NCKAP1: variants seen among roughly 807,000 people sequenced by gnomAD.
NCKAP1 encodes NCK associated protein 1, also known as nck-associated protein 1.
In NCKAP1, 21 loss-of-function variants were observed where a neutral mutation model predicts 151.2. The ratio of observed to expected loss-of-function variants is 0.14; its 90% CI spans 0.10 to 0.20. NCKAP1 has a LOEUF of 0.20. Among genes scored for constraint, NCKAP1 ranks in the 10% least tolerant of loss-of-function variants. NCKAP1 has a pLI of 1.00. For missense variants in NCKAP1, 933 were observed against 1,352.1 expected (o/e 0.69, Z 4.86); for synonymous variants, 484 against 451.8 (o/e 1.07, Z -0.90).
intron 9 of NCKAP1, 73 bp downstream of exon 9, chr2:182,988,957 C>A (rs542603709): frequency 7.3e-7 from 1 of 1,370,662 alleles, no homozygotes; most frequent in Non-Finnish European, 1.0e-6. Context: ...CTCCTTTATC[C>A]CCAAAACTTC....
chr2:183,036,741 C>A (rs945851610), intron 1 of NCKAP1, among the ~76,000 whole-genome samples: 15 of 149,478 alleles, frequency 1.0e-4, no homozygotes, highest in African/African-American at 3.3e-4. Flanking sequence ...CCAGGACACT[C>A]TTTAGAATTA....
intron 9 of NCKAP1, among the ~76,000 whole-genome samples, chr2:182,986,979 C>T (rs1355970778): frequency 6.6e-6 from 1 of 152,150 alleles, no homozygotes; most frequent in Non-Finnish European, 1.5e-5. Flanking sequence ...CGGTGGCTCA[C>T]ACCTGTAATC....
chr2:182,909,383 A>G lies in NCKAP1; in HGVS notation c.*16319T>C, dbSNP rs1696353843. The G allele has an allele frequency of 6.6e-6, 1 of 152,118 alleles. No homozygotes were observed. The highest frequency in any genetic ancestry group is 6.5e-5 in the Admixed American group (1 of 15,278). The allele number at this position is 152,118 out of a possible 1,614,324, so 9.4% of individuals were successfully genotyped here. A position where few individuals can be genotyped will look rare whatever the true frequency, so the allele number is the denominator to read the frequency against. ...TCCCTCTCCTTGCCAGCCCCTGCCA[A>G]CCAACATTCTACTTTCTATCAATTT... On this transcript the variant is annotated 3_prime_UTR_variant, in exon 31 of 31. Coordinates refer to ENST00000361354, the MANE Select transcript of NCKAP1 (RefSeq NM_013436.5).
chr2:183,007,623 T>C (rs763604111), intron 2 of NCKAP1, among the ~76,000 whole-genome samples: 2 of 152,176 alleles, frequency 1.3e-5, no homozygotes, highest in Non-Finnish European at 2.9e-5. Context: ...ATTCATAAAT[T>C]ATTTTTCTTA....
At chr2:183,023,574 AAT>A in intron 2 of NCKAP1, among the ~76,000 whole-genome samples, 1 of 152,290 alleles carries the variant, frequency 6.6e-6, no homozygotes, top group South Asian at 2.1e-4. Context: ...AAAGGGAATA[AAT>A]ATATAGTAAT....
rs192420077 is a variant in NCKAP1, at chr2:182,977,779, G to A, written c.1424-828C>T. 3.1e-3 allele frequency among the ~76,000 whole-genome samples: 467 copies of A among 152,258 alleles called. 6 individuals are homozygous for A. The highest frequency in any genetic ancestry group is 0.011 in the African/African-American group (445 of 41,558). ...TTTTGCAAGATGAAAATGTTTTGGA[G>A]ATTGGTTGTACAACAATATGAATAT... On this transcript the variant is annotated intron_variant, in intron 14 of 30. Coordinates refer to ENST00000361354, the MANE Select transcript of NCKAP1 (RefSeq NM_013436.5).
intron 23 of NCKAP1, among the ~76,000 whole-genome samples, chr2:182,946,317 G>A (rs977684708): frequency 4.0e-5 from 6 of 151,880 alleles, no homozygotes; most frequent in African/African-American, 9.7e-5. Context: ...GGAGAATGGC[G>A]TGAACCTGGG....
At chr2:182,994,977 T>G in intron 7 of NCKAP1, 90 bp from the exon 8 acceptor site, 1 of 1,044,644 alleles carries the variant, frequency 9.6e-7, no homozygotes, top group Non-Finnish European at 1.4e-6. Context: ...TCCTGATAAC[T>G]TACTACCCAA....
At chr2:182,952,959 T>C (rs1317494014) in intron 21 of NCKAP1, 36 bp from the exon 22 acceptor site, 1 of 1,586,502 alleles carries the variant, frequency 6.3e-7, no homozygotes. Context: ...CGGAAGAAAC[T>C]GCTTAATTCA....
intron 26 of NCKAP1, among the ~76,000 whole-genome samples, chr2:182,932,036 G>GAC (rs1240265079): frequency 6.6e-6 from 1 of 152,084 alleles, no homozygotes; most frequent in Non-Finnish European, 1.5e-5. Flanking sequence ...AATGCAAAAT[G>GAC]ACACACCCAA....
chr2:183,003,379 TTACTACA>T, intron 2 of NCKAP1, 54 bp from the exon 3 acceptor site: 5 of 1,039,784 alleles, frequency 4.8e-6, no homozygotes, highest in Non-Finnish European at 7.3e-6. Context: ...GTATTTAATT[TTACTACA>T]AACTATCTTC....
chr2:183,003,650 C>T (rs1367482334), intron 2 of NCKAP1, among the ~76,000 whole-genome samples: 1 of 151,998 alleles, frequency 6.6e-6, no homozygotes, highest in Admixed American at 6.6e-5. Flanking sequence ...GATCACATTA[C>T]TAGAAGTGGG....
At chr2:183,030,347 T>G (rs1053635789) in intron 1 of NCKAP1, among the ~76,000 whole-genome samples, 1 of 152,204 alleles carries the variant, frequency 6.6e-6, no homozygotes, top group African/African-American at 2.4e-5. Flanking sequence ...TTTTTTAATT[T>G]CTATTCTAAC....
At chr2:182,959,891 A>G (rs1449565420) in intron 18 of NCKAP1, among the ~76,000 whole-genome samples, 1 of 152,236 alleles carries the variant, frequency 6.6e-6, no homozygotes, top group African/African-American at 2.4e-5. Flanking sequence ...GCAAAGTCTC[A>G]GGATACAAAA....
chr2:182,933,674 C>G (rs1272342748), intron 26 of NCKAP1, among the ~76,000 whole-genome samples: 1 of 151,970 alleles, frequency 6.6e-6, no homozygotes, highest in African/African-American at 2.4e-5. Flanking sequence ...CTCGGCCTCC[C>G]AAAGTGCTGG....
chr2:182,956,655 T>C (rs1697334378), intron 19 of NCKAP1, 62 bp from the exon 20 acceptor site: 2 of 1,486,408 alleles, frequency 1.3e-6, no homozygotes, highest in Non-Finnish European at 1.8e-6. Flanking sequence ...ACAAAATTAA[T>C]TTTATAAATA....
At chr2:182,941,713 G>A (rs537131942) in intron 24 of NCKAP1, among the ~76,000 whole-genome samples, 1 of 152,096 alleles carries the variant, frequency 6.6e-6, no homozygotes, top group Non-Finnish European at 1.5e-5. Flanking sequence ...TAACTTATAC[G>A]TATAAAGTTG....
chr2:182,982,880 G>A lies in NCKAP1; in HGVS notation c.1149C>T (p.Ile383=), dbSNP rs1697969152. The change falls in exon 12 of 31, where the codon ATC becomes ATT. Residue 383 remains isoleucine, a synonymous_variant. Coordinates refer to ENST00000361354, the MANE Select transcript of NCKAP1 (RefSeq NM_013436.5). Reference sequence around the variant, plus strand: ...TGTTATCTGCATGACGAAGTAGCCAGATGATTTCATCACGGGCAAAGGATA... The same window carrying A: ...TGTTATCTGCATGACGAAGTAGCCAAATGATTTCATCACGGGCAAAGGATA... ...MALSFARDEI[I]WLLRHADNMP... The A allele has an allele frequency of 6.2e-7, 1 of 1,612,056 alleles. No homozygotes were observed. The highest frequency in any genetic ancestry group is 1.3e-5 in the African/African-American group (1 of 74,936).
chr2:182,965,417 T>G (rs138070533), intron 16 of NCKAP1, among the ~76,000 whole-genome samples: 1 of 152,070 alleles, frequency 6.6e-6, no homozygotes, highest in East Asian at 1.9e-4. Flanking sequence ...CTTAACCTCT[T>G]GGGCTCAAGC....
Sources: allele counts gnomAD v4.1 joint callset (sites outside exome capture counted in the v4.1 genomes callset), GRCh38; gene constraint gnomAD v4.1.1; transcripts MANE v1.5; gene names NCBI Gene and HGNC (gene_info 2026-07-23, HGNC 2026-07-21).